Variants in ASAP1 observed in about 807,000 individuals in gnomAD.
ASAP1 encodes ArfGAP with SH3 domain, ankyrin repeat and PH domain 1, also known as arf-GAP with SH3 domain, ANK repeat and PH domain-containing protein 1.
Under a neutral mutation model 145.2 loss-of-function variants are expected in ASAP1, and 43 were observed. The ratio of observed to expected loss-of-function variants is 0.30; its 90% CI spans 0.23 to 0.38. ASAP1 has a LOEUF of 0.38. Ranked by LOEUF, ASAP1 falls within the 10% of genes least tolerant of loss-of-function variation. The probability of loss-of-function intolerance (pLI) is 1.00; values close to 1 mark genes in which losing one functional copy is unlikely to be tolerated. For missense variants in ASAP1, 1,018 were observed against 1,355.3 expected, an observed-to-expected ratio of 0.75 and a Z score of 3.91; for synonymous variants, 546 against 515.5, an observed-to-expected ratio of 1.06 and a Z score of -0.80.
At chr8:130,258,071 T>A (rs2136943356) in intron 3 of ASAP1, among the ~76,000 whole-genome samples, 1 of 152,318 alleles carries the variant, frequency 6.6e-6, no homozygotes, top group East Asian at 1.9e-4. Context: ...CCCTGGTTGA[T>A]CTGAACTCAC....
chr8:130,131,704 C>T (rs1270627350), intron 15 of ASAP1, among the ~76,000 whole-genome samples: 1 of 150,998 alleles, frequency 6.6e-6, no homozygotes, highest in African/African-American at 2.4e-5. Flanking sequence ...ACAGGAGGAT[C>T]ACCTGAGCCT....
intron 3 of ASAP1, among the ~76,000 whole-genome samples, chr8:130,341,831 T>C (rs1825401386): frequency 6.6e-6 from 1 of 152,140 alleles, no homozygotes; most frequent in African/African-American, 2.4e-5. Flanking sequence ...TAATTATTTA[T>C]TAACAAATAA....
chr8:130,202,633 A>G (rs1022142928), intron 5 of ASAP1, among the ~76,000 whole-genome samples: 20 of 152,192 alleles, frequency 1.3e-4, no homozygotes, highest in African/African-American at 4.8e-4. Flanking sequence ...CGTTTCATGA[A>G]TATCTCTTGA....
intron 4 of ASAP1, 103 bp downstream of exon 4, chr8:130,236,819 T>A (rs960595139): frequency 1.3e-5 from 11 of 841,164 alleles, no homozygotes; most frequent in Non-Finnish European, 1.9e-5. Flanking sequence ...TACTTTTCCA[T>A]TTGTGTCAAG....
chr8:130,423,043 A>G (rs1829782501), intron 1 of ASAP1, among the ~76,000 whole-genome samples: 1 of 152,340 alleles, frequency 6.6e-6, no homozygotes, highest in Non-Finnish European at 1.5e-5. Flanking sequence ...GCACAGTACC[A>G]AGTAATAGAA....
At chr8:130,186,291 T>C (rs1344287315) in intron 7 of ASAP1, among the ~76,000 whole-genome samples, 2 of 152,202 alleles carry the variant, frequency 1.3e-5, no homozygotes, top group African/African-American at 2.4e-5. Flanking sequence ...TCCCTAACAA[T>C]GCACTTTTCA....
intron 13 of ASAP1, among the ~76,000 whole-genome samples, chr8:130,137,468 C>T (rs74612957): frequency 0.034 from 5,203 of 152,280 alleles, 105 homozygotes; most frequent in Middle Eastern, 0.051. Flanking sequence ...TAACTAAGCA[C>T]CAACAGTTGG....
At chr8:130,400,791 A>T (rs1368701166) in intron 2 of ASAP1, among the ~76,000 whole-genome samples, 10 of 59,326 alleles carry the variant, frequency 1.7e-4, no homozygotes, top group Non-Finnish European at 2.5e-4. Context: ...ACTCCGTCTC[A>T]AAAAAAAAAA....
At chr8:130,221,720 T>C (rs2136503743) in intron 4 of ASAP1, among the ~76,000 whole-genome samples, 1 of 152,330 alleles carries the variant, frequency 6.6e-6, no homozygotes, top group East Asian at 1.9e-4. Flanking sequence ...AATTTGCAGA[T>C]GTCAGCCACT....
intron 1 of ASAP1, among the ~76,000 whole-genome samples, chr8:130,405,927 A>G (rs1052495800): frequency 6.6e-5 from 10 of 152,230 alleles, no homozygotes; most frequent in African/African-American, 1.7e-4. Context: ...CAATACCTGA[A>G]GATAAATACT....
At chr8:130,254,461 TA>T (rs1400114679) in intron 3 of ASAP1, among the ~76,000 whole-genome samples, 1 of 152,184 alleles carries the variant, frequency 6.6e-6, no homozygotes, top group African/African-American at 2.4e-5. Flanking sequence ...TGAACCACAG[TA>T]TAACTTCACA....
intron 1 of ASAP1, among the ~76,000 whole-genome samples, chr8:130,433,355 C>T (rs1830202990): frequency 6.6e-6 from 1 of 152,230 alleles, no homozygotes. Flanking sequence ...GAATACCCTT[C>T]CCTTCTCTCC....
At chr8:130,390,018 T>C (rs569036057) in intron 2 of ASAP1, among the ~76,000 whole-genome samples, 1 of 152,298 alleles carries the variant, frequency 6.6e-6, no homozygotes, top group South Asian at 2.1e-4. Context: ...GTGGTGGTTG[T>C]TAAAATGCAG....
In ASAP1 at chr8:130,108,774, T is replaced by G. The variant is rs1317063467; in HGVS notation, c.2401+3320A>C. On this transcript the variant is annotated intron_variant, in intron 24 of 29. Coordinates refer to ENST00000518721, the MANE Select transcript of ASAP1 (RefSeq NM_018482.4). ...AAAAACCAGTTTTTTTTTTTTTTTT[T>G]TTTTTTTTTTTTTTTTTTGAGATGG... 5.4e-5 allele frequency among the ~76,000 whole-genome samples: 7 copies of G among 128,774 alleles called. 1 individual carries two copies. The highest frequency in any genetic ancestry group is 7.9e-5 in the Admixed American group (1 of 12,664). 84.5% of individuals were successfully genotyped at this position (128,774 alleles called of 152,430 possible). A position where few individuals can be genotyped will look rare whatever the true frequency, so the allele number is the denominator to read the frequency against.
chr8:130,322,282 G>A (rs1327449070), intron 3 of ASAP1, among the ~76,000 whole-genome samples: 3 of 148,610 alleles, frequency 2.0e-5, no homozygotes, highest in Admixed American at 6.8e-5. Context: ...CTCTGGAGAT[G>A]AATTTTATGC....
Position 130,214,615 on chromosome 8 carries a change from T to C in ASAP1, c.346A>G (p.Thr116Ala), listed in dbSNP as rs761895160. ...FLSRDNPDLG[T>A]AFVKFSTLTK... ...AGAGTAGAAAACTTGACAAACGCGG[T>C]GCCAAGGTCGGGGTTGTCTCGACTT... Residue 116 changes from threonine to alanine, a missense_variant, in exon 5 of 30, where the codon ACC (threonine) becomes GCC (alanine). Physicochemically the swap from Thr to Ala is moderately conservative, Grantham distance 58 (BLOSUM62 0). Coordinates refer to ENST00000518721, the MANE Select transcript of ASAP1 (RefSeq NM_018482.4). 2 of 1,613,284 alleles carry C rather than the reference T, an allele frequency of 1.2e-6. No homozygotes were observed. The highest frequency in any genetic ancestry group is 8.5e-7 in the Non-Finnish European group (1 of 1,179,592).
At chr8:130,357,728 T>G (rs1042604739) in intron 3 of ASAP1, among the ~76,000 whole-genome samples, 2 of 152,188 alleles carry the variant, frequency 1.3e-5, no homozygotes, top group African/African-American at 4.8e-5. Context: ...CGCCGAACAG[T>G]GCATGCCAGG....
intron 3 of ASAP1, among the ~76,000 whole-genome samples, chr8:130,298,396 A>G (rs1002766972): frequency 1.3e-5 from 2 of 152,186 alleles, no homozygotes; most frequent in African/African-American, 4.8e-5. Context: ...CATGGGTTAA[A>G]TATTTCCTGA....
At chr8:130,164,200 G>T (rs1346824168) in intron 11 of ASAP1, among the ~76,000 whole-genome samples, 2 of 152,128 alleles carry the variant, frequency 1.3e-5, no homozygotes, top group Admixed American at 6.6e-5. Flanking sequence ...AATGTGATGG[G>T]GTTTTAAAAG....
Sources: allele counts gnomAD v4.1 joint callset (sites outside exome capture counted in the v4.1 genomes callset), GRCh38; gene constraint gnomAD v4.1.1; transcripts MANE v1.5; gene names NCBI Gene and HGNC (gene_info 2026-07-23, HGNC 2026-07-21).